The following ZBTB25 variants were observed in gnomAD, a reference collection of about 807,000 sequenced individuals.
ZBTB25 encodes zinc finger and BTB domain-containing protein 25.
A neutral mutation model predicts 34.2 loss-of-function variants in ZBTB25; 20 were observed. That is an observed-to-expected ratio of 0.58 (90% confidence interval 0.41 to 0.85). The LOEUF is 0.85. ZBTB25 is among the 40% of genes least tolerant of loss of function. The pLI, the probability that ZBTB25 is intolerant of heterozygous loss-of-function variation, is 0.00. For synonymous variants in ZBTB25, 175 were observed against 186.4 expected (o/e 0.94, Z 0.50); for missense variants, 437 against 521.8 (o/e 0.84, Z 1.58).
Position 64,485,680 on chromosome 14 carries a change from G to T in ZBTB25, c.*1243C>A. On this transcript the variant is annotated 3_prime_UTR_variant, in exon 3 of 3. Transcript: ENST00000608382. Reference sequence around the variant, plus strand: ...ATGGATCAGGAAAAAAGTGAAAACTGTGCCACTGAAAAATTACTTTTTCAG... The same window carrying T: ...ATGGATCAGGAAAAAAGTGAAAACTTTGCCACTGAAAAATTACTTTTTCAG... 2.0e-6 allele frequency: 2 copies of T among 985,258 alleles called. No individual in the cohort carries two copies. Among genetic ancestry groups the T allele is most frequent in the Non-Finnish European group, 2.4e-6 (2 of 829,906 alleles). The allele number at this position is 985,258 out of a possible 1,614,324, so 61.0% of individuals were successfully genotyped here.
At chr14:64,502,240 G>A (rs911081834) in intron 1 of ZBTB25, among the ~76,000 whole-genome samples, 1 of 152,130 alleles carries the variant, frequency 6.6e-6, no homozygotes, top group Non-Finnish European at 1.5e-5. Context: ...GGTAGGACTG[G>A]ACAAAAAAGG....
At chr14:64,455,630 T>C (rs1444263802) in intron 2 of ZBTB25, among the ~76,000 whole-genome samples, 1 of 152,176 alleles carries the variant, frequency 6.6e-6, no homozygotes, top group African/African-American at 2.4e-5. Context: ...GACTGAAATA[T>C]TAAACTAAAT....
intron 1 of ZBTB25, chr14:64,502,519 GC>G (rs2140033940): frequency 2.2e-6 from 1 of 449,224 alleles, no homozygotes; most frequent in South Asian, 9.3e-5. Flanking sequence ...TTCAGGGGTG[GC>G]TGGGGGGTGT....
intron 2 of ZBTB25, chr14:64,469,163 C>G: frequency 6.2e-7 from 1 of 1,614,074 alleles, no homozygotes; most frequent in Non-Finnish European, 8.5e-7. Context: ...AGAAACAGAC[C>G]ATCAGCAGCC....
intron 1 of ZBTB25, chr14:64,503,190 G>A: frequency 1.0e-6 from 1 of 985,494 alleles, no homozygotes; most frequent in Non-Finnish European, 1.2e-6. Context: ...ATAGAAAAGG[G>A]GGGGATGTCT....
intron 1 of ZBTB25, chr14:64,502,802 G>C: frequency 1.0e-6 from 1 of 959,926 alleles, no homozygotes; most frequent in African/African-American, 1.8e-5. Flanking sequence ...CGCTCTTCAG[G>C]CCTGGTGTCT....
chr14:64,493,392 T>C (rs377474241), intron 1 of ZBTB25, among the ~76,000 whole-genome samples: 33 of 152,326 alleles, frequency 2.2e-4, no homozygotes, highest in African/African-American at 7.0e-4. Flanking sequence ...ATCTAACTTA[T>C]AGGTTATTTG....
intron 1 of ZBTB25, among the ~76,000 whole-genome samples, chr14:64,496,980 G>C (rs2079300321): frequency 6.6e-6 from 1 of 152,160 alleles, no homozygotes; most frequent in Non-Finnish European, 1.5e-5. Context: ...CATACCTGAA[G>C]TCAAACAACT....
intron 2 of ZBTB25, among the ~76,000 whole-genome samples, chr14:64,466,603 G>T (rs557461160): frequency 2.6e-5 from 4 of 152,286 alleles, no homozygotes; most frequent in Admixed American, 2.0e-4. Flanking sequence ...TTCCGTCATT[G>T]TTCTAGAATG....
At position 64,486,894 on chromosome 14, in the gene ZBTB25, T is replaced by C. The variant is rs1034203327; in HGVS notation, c.*29A>G. ...GCCACGCAAATTTTCTTTTTCAGAATTGGTATAAAAATTCTGAAAGAGAAG... is the reference window on the plus strand; with the variant it reads ...GCCACGCAAATTTTCTTTTTCAGAACTGGTATAAAAATTCTGAAAGAGAAG... On this transcript the variant is annotated 3_prime_UTR_variant, in exon 3 of 3. Transcript: ENST00000608382. 3.9e-6 allele frequency: 6 copies of C among 1,530,678 alleles called. No individual in the cohort carries two copies. Among genetic ancestry groups the C allele is most frequent in the Non-Finnish European group, 5.3e-6 (6 of 1,140,232 alleles). The allele number at this position is 1,530,678 out of a possible 1,614,324, so 94.8% of individuals were successfully genotyped here.
upstream of ZBTB25, chr14:64,505,158 C>T (rs1239356023): frequency 1.2e-5 from 4 of 337,258 alleles, no homozygotes; most frequent in African/African-American, 8.6e-5. Context: ...TGCGGCCTCC[C>T]TGAGTCGGAG....
chr14:64,483,185 CATT>C lies in ZBTB25; in HGVS notation c.*3735_*3737del, dbSNP rs1223011383. 1 of 152,170 alleles carries C rather than the reference CATT, an allele frequency of 6.6e-6. No individual in the cohort carries two copies. Among genetic ancestry groups the C allele is most frequent in the Non-Finnish European group, 1.5e-5 (1 of 68,030 alleles). The allele number at this position is 152,170 out of a possible 1,614,324, so 9.4% of individuals were successfully genotyped here. Reference sequence around the variant, plus strand: ...CATTTCCAGTTTCAAGCTTGGTAATCATTATGCAAACTGCACTATACTATTAGG... The same window carrying C: ...CATTTCCAGTTTCAAGCTTGGTAATCATGCAAACTGCACTATACTATTAGG... On this transcript the variant is annotated 3_prime_UTR_variant, in exon 3 of 3. Coordinates refer to ENST00000608382, the MANE Select transcript of ZBTB25 (RefSeq NM_006977.5).
At chr14:64,463,100 T>C (rs769820869) in intron 2 of ZBTB25, 3 of 152,154 alleles carry the variant, frequency 2.0e-5, no homozygotes, top group Non-Finnish European at 4.4e-5. Flanking sequence ...TTTCCTGTTA[T>C]ATAATGAAAA....
downstream of ZBTB25, among the ~76,000 whole-genome samples, chr14:64,476,085 C>T (rs150286325): frequency 6.2e-4 from 95 of 152,302 alleles, 1 homozygote; most frequent in African/African-American, 2.2e-3. Flanking sequence ...CACTTGTACC[C>T]GAACCTTTTA....
intron 2 of ZBTB25, among the ~76,000 whole-genome samples, chr14:64,457,307 C>T (rs1002854627): frequency 2.0e-5 from 3 of 152,118 alleles, no homozygotes; most frequent in African/African-American, 4.8e-5. Context: ...GCTGAGGAGG[C>T]GAGTGAGCAA....
At position 64,486,672 on chromosome 14, in the gene ZBTB25, A is replaced by G. The variant is rs2078870058; in HGVS notation, c.*251T>C. On this transcript the variant is annotated 3_prime_UTR_variant, in exon 3 of 3. Coordinates refer to ENST00000608382, the MANE Select transcript of ZBTB25 (RefSeq NM_006977.5). ...AACTATTTAAGGTTTCCATATTTCTACATTGATTTCTGATTTCTAAATTGT... is the reference window on the plus strand; with the variant it reads ...AACTATTTAAGGTTTCCATATTTCTGCATTGATTTCTGATTTCTAAATTGT... 4 of 1,121,482 alleles carry G rather than the reference A, an allele frequency of 3.6e-6. No homozygotes were observed. The highest frequency in any genetic ancestry group is 4.4e-6 in the Non-Finnish European group (4 of 904,082). 69.5% of individuals were successfully genotyped at this position (1,121,482 alleles called of 1,614,324 possible). A position where few individuals can be genotyped will look rare whatever the true frequency, so the allele number is the denominator to read the frequency against.
chr14:64,469,090 A>C lies in ZBTB25; in HGVS notation c.174-19452T>G, dbSNP rs751245060. 8 of 1,614,010 alleles carry C rather than the reference A, an allele frequency of 5.0e-6. No homozygotes were observed. In the East Asian group the frequency reaches 1.8e-4, roughly 36 times the overall value. ...AAACGGGAACTCTAATCCTTGAAGA[A>C]ATTGAAACGATCAAGGAAAAACAAG... On this transcript the variant is annotated intron_variant, in intron 2 of 2. Transcript: ENST00000555220.
At chr14:64,464,085 G>A (rs978565068) in intron 2 of ZBTB25, among the ~76,000 whole-genome samples, 5 of 151,026 alleles carry the variant, frequency 3.3e-5, no homozygotes, top group South Asian at 2.1e-4. Context: ...CCAGGCTGGC[G>A]TGCAGTGGTG....
intron 2 of ZBTB25, chr14:64,469,073 A>C: frequency 6.2e-7 from 1 of 1,613,904 alleles, no homozygotes; most frequent in Non-Finnish European, 8.5e-7. Flanking sequence ...TCAAACGGGA[A>C]CTCTAATCCT....
Sources: gnomAD v4.1 joint callset for allele counts (sites outside exome capture counted in the v4.1 genomes callset) on GRCh38, gnomAD v4.1.1 for gene constraint, MANE v1.5 for transcripts, NCBI Gene and HGNC (gene_info 2026-07-23, HGNC 2026-07-21) for gene names.